The following VPS26A variants were observed in gnomAD, a reference collection of about 807,000 sequenced individuals.
The protein encoded by VPS26A is VPS26 retromer complex component A.
Under a neutral mutation model 42.4 loss-of-function variants are expected in VPS26A, and 22 were observed. The observed-to-expected ratio is 0.52, with a 90% CI of 0.37 to 0.74. The LOEUF is 0.74. VPS26A is among the 30% of genes least tolerant of loss of function. VPS26A has a pLI of 0.00. For missense variants in VPS26A, 276 were observed against 379.2 expected (o/e 0.73, Z 2.26); for synonymous variants, 110 against 123.5 (o/e 0.89, Z 0.73).
In VPS26A at chr10:69,171,272, T is replaced by C; in HGVS notation, c.*3T>C. 1 of 1,602,352 alleles carries C rather than the reference T, an allele frequency of 6.2e-7. No individual in the cohort carries two copies. The highest frequency in any genetic ancestry group is 8.5e-7 in the Non-Finnish European group (1 of 1,177,162). On this transcript the variant is annotated 3_prime_UTR_variant, in exon 9 of 9. Transcript: ENST00000263559. Reference sequence around the variant, plus strand: ...CTGCCGAACAGCCTGAAATGTGAACTGAACAGGAGAAAAAAAGAAAAGCAA... The same window carrying C: ...CTGCCGAACAGCCTGAAATGTGAACCGAACAGGAGAAAAAAAGAAAAGCAA...
In VPS26A at chr10:69,151,277, A is replaced by AAC. The variant is rs1554854513; in HGVS notation, c.154-4534_154-4533insCA. ...GAGACTCCATGTCAAAAAAAAAAAAAAAAAAACACACACACACACACAATT... is the reference window on the plus strand; with the variant it reads ...GAGACTCCATGTCAAAAAAAAAAAAAACAAAAAACACACACACACACACAATT... On this transcript the variant is annotated intron_variant, in intron 2 of 8. Transcript: ENST00000263559. 9.8e-4 allele frequency among the ~76,000 whole-genome samples: 129 copies of AAC among 131,166 alleles called. 2 individuals carry two copies. The highest frequency in any genetic ancestry group is 1.2e-3 in the Non-Finnish European group (73 of 63,290). 86.0% of individuals were successfully genotyped at this position (131,166 alleles called of 152,430 possible).
At chr10:69,168,388 G>A (rs1198754991) in intron 7 of VPS26A, 101 bp from the exon 8 acceptor site, 2 of 1,236,696 alleles carry the variant, frequency 1.6e-6, no homozygotes, top group Admixed American at 4.5e-5. Flanking sequence ...ATCTCATGAG[G>A]ATGTGAAGCA....
At chr10:69,151,275 A>ACAC (rs1564680876) in intron 2 of VPS26A, among the ~76,000 whole-genome samples, 1 of 70,630 alleles carries the variant, frequency 1.4e-5, no homozygotes, top group Non-Finnish European at 3.9e-5. Context: ...AAAAAAAAAA[A>ACAC]AAAAAAAACA....
intron 8 of VPS26A, among the ~76,000 whole-genome samples, chr10:69,169,274 AT>A (rs1841762728): frequency 1.3e-5 from 2 of 151,406 alleles, no homozygotes; most frequent in Non-Finnish European, 2.9e-5. Context: ...TACTATTTTT[AT>A]TTTTTAAGAT....
At chr10:69,160,371 G>T (rs1841529560) in intron 5 of VPS26A, among the ~76,000 whole-genome samples, 1 of 151,904 alleles carries the variant, frequency 6.6e-6, no homozygotes, top group Admixed American at 6.6e-5. Flanking sequence ...TGTTGGTCAG[G>T]CTGGTCTCAA....
At position 69,169,770 on chromosome 10, in the gene VPS26A, G is replaced by A. The variant is rs538046474; in HGVS notation, c.870+1139G>A. On this transcript the variant is annotated intron_variant, in intron 8 of 8. Coordinates refer to ENST00000263559, the MANE Select transcript of VPS26A (RefSeq NM_004896.5). Reference sequence around the variant, plus strand: ...ATTATAGGTATGCACCACCACACCCGGCTAATTTTTCTATTTTTAGTAGAG... The same window carrying A: ...ATTATAGGTATGCACCACCACACCCAGCTAATTTTTCTATTTTTAGTAGAG... 5.3e-5 allele frequency among the ~76,000 whole-genome samples: 8 copies of A among 151,406 alleles called. No homozygotes were observed. In the East Asian group the frequency reaches 7.8e-4, roughly 15 times the overall value.
chr10:69,151,265 A>AG (rs1841300605), intron 2 of VPS26A, among the ~76,000 whole-genome samples: 1 of 48,400 alleles, frequency 2.1e-5, no homozygotes, highest in East Asian at 3.6e-4. Flanking sequence ...ACTCCATGTC[A>AG]AAAAAAAAAA....
intron 1 of VPS26A, among the ~76,000 whole-genome samples, chr10:69,129,185 ATGT>A (rs1023508744): frequency 2.0e-5 from 3 of 152,068 alleles, no homozygotes; most frequent in Non-Finnish European, 2.9e-5. Flanking sequence ...CTACTTGAAG[ATGT>A]TGTCTTCTAC....
In VPS26A at chr10:69,124,273, T is replaced by G. The variant is rs763200439; in HGVS notation, c.-5T>G. ...AGTAGGGGGGACGCGGCGGCGGCGT[T>G]GACAATGGTGAGTGCGCGGCGGCCA... On this transcript the variant is annotated 5_prime_UTR_variant, in exon 1 of 9. Coordinates refer to ENST00000263559, the MANE Select transcript of VPS26A (RefSeq NM_004896.5). 3.1e-6 allele frequency: 4 copies of G among 1,275,938 alleles called. No individual in the cohort carries two copies. Among genetic ancestry groups the G allele is most frequent in the Non-Finnish European group, 4.0e-6 (4 of 1,006,130 alleles). The allele number at this position is 1,275,938 out of a possible 1,614,324, so 79.0% of individuals were successfully genotyped here.
At chr10:69,159,960 C>T (rs59592907) in intron 5 of VPS26A, among the ~76,000 whole-genome samples, 6,324 of 151,742 alleles carry the variant, frequency 0.042, 463 homozygotes, top group African/African-American at 0.14. Flanking sequence ...CCTTTCATAC[C>T]CCAGTCTTTT....
chr10:69,133,711 C>A, intron 2 of VPS26A: 1 of 762,048 alleles, frequency 1.3e-6, no homozygotes, highest in Non-Finnish European at 1.9e-6. Flanking sequence ...TAAATAGGGT[C>A]TCACTCTGTT....
intron 3 of VPS26A, 62 bp from the exon 4 acceptor site, chr10:69,156,945 G>A (rs1589360325): frequency 2.1e-6 from 3 of 1,457,028 alleles, no homozygotes; most frequent in Non-Finnish European, 1.8e-6. Flanking sequence ...TGAAGTAGAT[G>A]TCTGGGTTTT....
At chr10:69,152,362 C>T (rs1841332033) in intron 2 of VPS26A, among the ~76,000 whole-genome samples, 1 of 152,200 alleles carries the variant, frequency 6.6e-6, no homozygotes, top group East Asian at 1.9e-4. Context: ...TTTAACCATG[C>T]TTTATTCACG....
intron 4 of VPS26A, 84 bp from the exon 5 acceptor site, chr10:69,157,963 G>A (rs774956602): frequency 4.0e-6 from 5 of 1,243,992 alleles, no homozygotes; most frequent in Non-Finnish European, 5.5e-6. Context: ...GGAGAAGCCT[G>A]AGTTGCAGTT....
At chr10:69,135,954 C>G (rs1840898834) in intron 2 of VPS26A, among the ~76,000 whole-genome samples, 1 of 152,134 alleles carries the variant, frequency 6.6e-6, no homozygotes. Flanking sequence ...GTAGTACTTT[C>G]TTGTGTTTGT....
In VPS26A at chr10:69,149,888, C is replaced by T. The variant is rs527465235; in HGVS notation, c.154-5924C>T. 4.0e-4 allele frequency among the ~76,000 whole-genome samples: 61 copies of T among 151,036 alleles called. No individual in the cohort carries two copies. The South Asian group carries it at 4.4e-3, about 11-fold the overall frequency. On this transcript the variant is annotated intron_variant, in intron 2 of 8. Transcript: ENST00000263559. ...CAGCTTCCTGAGTAGCTGGAACAGG[C>T]GCGTGCCATCACGCCCTACTAATTT...
intron 5 of VPS26A, chr10:69,161,638 T>G (rs1841564620): frequency 3.4e-6 from 1 of 294,796 alleles, no homozygotes; most frequent in Admixed American, 3.3e-5. Flanking sequence ...TTCCCCCATC[T>G]GTCAGTTTTA....
At position 69,155,805 on chromosome 10, in the gene VPS26A, T is replaced by G. The variant is rs1841420013; in HGVS notation, c.154-7T>G. 1 of 1,609,958 alleles carries G rather than the reference T, an allele frequency of 6.2e-7. No individual in the cohort carries two copies. Among genetic ancestry groups the G allele is most frequent in the Non-Finnish European group, 8.5e-7 (1 of 1,177,518 alleles). ...TTAACATCTCTTATAATTTCATGTT[T>G]TGGCAGGTAAACCTAGCCTTTAAGC... is the stretch of plus-strand genomic sequence containing the variant. On this transcript the variant is annotated splice_polypyrimidine_tract_variant and splice_region_variant and intron_variant, in intron 2 of 8. Coordinates refer to ENST00000263559, the MANE Select transcript of VPS26A (RefSeq NM_004896.5).
intron 1 of VPS26A, among the ~76,000 whole-genome samples, chr10:69,124,541 G>C (rs978960431): frequency 6.6e-6 from 1 of 152,204 alleles, no homozygotes; most frequent in Non-Finnish European, 1.5e-5. Context: ...TTCTTCGACT[G>C]CTTGTTGGGG....
Sources: gnomAD v4.1 joint callset for allele counts (sites outside exome capture counted in the v4.1 genomes callset) on GRCh38, gnomAD v4.1.1 for gene constraint, MANE v1.5 for transcripts, NCBI Gene and HGNC (gene_info 2026-07-23, HGNC 2026-07-21) for gene names.